Variants in CAMK1D observed in about 807,000 individuals in gnomAD.
CAMK1D encodes calcium/calmodulin-dependent protein kinase type 1D.
CAMK1D carries 9 observed loss-of-function variants against 47.7 expected under a neutral mutation model. The observed-to-expected ratio is 0.19, with a 90% confidence interval of 0.11 to 0.33. The LOEUF (loss-of-function observed/expected upper bound fraction) is 0.33, where lower values mean the gene tolerates loss of function less well. Among genes scored for constraint, CAMK1D ranks in the 10% least tolerant of loss-of-function variants. The pLI is 1.00. For missense variants in CAMK1D, 291 were observed against 488.7 expected, an observed-to-expected ratio of 0.60 and a Z score of 3.81; for synonymous variants, 184 against 184.9, an observed-to-expected ratio of 0.99 and a Z score of 0.04.
intron 1 of CAMK1D, among the ~76,000 whole-genome samples, chr10:12,434,458 G>A (rs542050704): frequency 1.2e-4 from 18 of 152,286 alleles, no homozygotes; most frequent in African/African-American, 4.1e-4. Context: ...GACCAGGAAC[G>A]GGGCTGGATC....
intron 1 of CAMK1D, among the ~76,000 whole-genome samples, chr10:12,412,212 G>A (rs1041877166): frequency 1.3e-5 from 2 of 152,262 alleles, no homozygotes; most frequent in South Asian, 2.1e-4. Context: ...AGCTGGTGGC[G>A]TTGATGACTG....
At chr10:12,563,050 C>T (rs7900333) in intron 2 of CAMK1D, among the ~76,000 whole-genome samples, 1 of 152,304 alleles carries the variant, frequency 6.6e-6, no homozygotes, top group Admixed American at 6.5e-5. Context: ...GGTATTGGCT[C>T]ATGTAATTCT....
rs150115645 is a variant in CAMK1D, at chr10:12,786,894, G to A, written c.566-4264G>A. On this transcript the variant is annotated intron_variant, in intron 5 of 10. Coordinates refer to ENST00000619168, the MANE Select transcript of CAMK1D (RefSeq NM_153498.4). ...TCCCAGCACTTTGGGAGGCCAAGGC[G>A]GGTGGATCACCTGAGGTCAGGAGTT... 2.6e-4 allele frequency among the ~76,000 whole-genome samples: 39 copies of A among 152,270 alleles called. No homozygotes were observed. In the East Asian group the frequency reaches 6.8e-3, roughly 26 times the overall value.
At chr10:12,617,488 G>A (rs1377136113) in intron 2 of CAMK1D, among the ~76,000 whole-genome samples, 1 of 152,132 alleles carries the variant, frequency 6.6e-6, no homozygotes. Context: ...TGTGTGGTAG[G>A]CAGATATGCA....
chr10:12,502,481 G>C (rs146077060), intron 1 of CAMK1D, among the ~76,000 whole-genome samples: 5 of 152,258 alleles, frequency 3.3e-5, no homozygotes, highest in South Asian at 4.1e-4. Context: ...GGCCTCTACT[G>C]ACCAGCATCC....
At chr10:12,452,657 C>T (rs1833119360) in intron 1 of CAMK1D, among the ~76,000 whole-genome samples, 1 of 151,914 alleles carries the variant, frequency 6.6e-6, no homozygotes, top group South Asian at 2.1e-4. Context: ...GCAGTCTTGA[C>T]TCACTGCAAC....
chr10:12,564,905 C>T (rs1470958513), intron 2 of CAMK1D, among the ~76,000 whole-genome samples: 2 of 152,188 alleles, frequency 1.3e-5, no homozygotes, highest in African/African-American at 4.8e-5. Flanking sequence ...TGCATATACA[C>T]ACATTGTAAA....
intron 3 of CAMK1D, among the ~76,000 whole-genome samples, chr10:12,721,863 C>T (rs929539827): frequency 6.6e-6 from 1 of 152,118 alleles, no homozygotes; most frequent in South Asian, 2.1e-4. Flanking sequence ...CCACTGTAGA[C>T]CTAATGTCTA....
intron 1 of CAMK1D, among the ~76,000 whole-genome samples, chr10:12,422,305 G>T (rs886070882): frequency 2.4e-4 from 36 of 152,196 alleles, no homozygotes; most frequent in Non-Finnish European, 4.4e-4. Context: ...GATTTTAGTC[G>T]TGTGTAACAG....
chr10:12,479,219 G>A (rs1452978173), intron 1 of CAMK1D, among the ~76,000 whole-genome samples: 2 of 151,466 alleles, frequency 1.3e-5, no homozygotes, highest in Admixed American at 6.6e-5. Context: ...TTTTTGAGAC[G>A]GAGTTTCACT....
intron 1 of CAMK1D, among the ~76,000 whole-genome samples, chr10:12,543,010 G>A (rs1160042702): frequency 6.6e-6 from 1 of 152,058 alleles, no homozygotes; most frequent in East Asian, 1.9e-4. Context: ...GCCACCCAAA[G>A]TGTTGGGATT....
chr10:12,551,662 T>C (rs2768338), intron 1 of CAMK1D, among the ~76,000 whole-genome samples: 151,185 of 152,126 alleles, frequency 0.99, 75,135 homozygotes, highest in East Asian at 1. Flanking sequence ...CGCTTGAACC[T>C]GAGAGGCAGA....
In CAMK1D at chr10:12,550,786, A is replaced by G. The variant is rs74116982; in HGVS notation, c.93-2439A>G. On this transcript the variant is annotated intron_variant, in intron 1 of 10. Coordinates refer to ENST00000619168, the MANE Select transcript of CAMK1D (RefSeq NM_153498.4). ...ATCTGGGATATTTTGTGGAATGACT[A>G]TGTTCTGCCCCCTGGGCTTGTATAA... Among the ~76,000 whole-genome samples, 1,331 of 152,300 alleles carry G rather than the reference A, an allele frequency of 8.7e-3. 17 individuals are homozygous for G. The highest frequency in any genetic ancestry group is 0.03 in the African/African-American group (1,238 of 41,546).
intron 1 of CAMK1D, among the ~76,000 whole-genome samples, chr10:12,370,901 C>A (rs773656154): frequency 1.2e-4 from 18 of 151,996 alleles, no homozygotes; most frequent in African/African-American, 1.9e-4. Flanking sequence ...AGCCACTGCA[C>A]CCGGCCTTGT....
chr10:12,706,751 A>T (rs1332852695), intron 3 of CAMK1D, among the ~76,000 whole-genome samples: 1 of 152,120 alleles, frequency 6.6e-6, no homozygotes, highest in East Asian at 1.9e-4. Context: ...CAAAAAAAAA[A>T]AAAAAGAATG....
intron 1 of CAMK1D, among the ~76,000 whole-genome samples, chr10:12,417,942 C>T (rs1415786610): frequency 2.0e-5 from 3 of 152,054 alleles, no homozygotes; most frequent in Admixed American, 2.0e-4. Context: ...GCTGGGATTA[C>T]AGGCGCCTGC....
At chr10:12,788,451 C>G (rs557436047) in intron 5 of CAMK1D, among the ~76,000 whole-genome samples, 6 of 152,334 alleles carry the variant, frequency 3.9e-5, no homozygotes, top group South Asian at 2.1e-4. Context: ...GCCTCCACCC[C>G]CTAACTTAGC....
intron 1 of CAMK1D, among the ~76,000 whole-genome samples, chr10:12,370,296 A>G (rs1275812806): frequency 6.6e-6 from 1 of 152,102 alleles, no homozygotes; most frequent in Non-Finnish European, 1.5e-5. Context: ...GGCACATACA[A>G]TTATGTGCAG....
At chr10:12,497,620 A>T (rs996777244) in intron 1 of CAMK1D, among the ~76,000 whole-genome samples, 7 of 152,132 alleles carry the variant, frequency 4.6e-5, no homozygotes, top group Non-Finnish European at 1.0e-4. Flanking sequence ...AACTACTCCA[A>T]CTCTAGCATA....
Sources: allele counts gnomAD v4.1 joint callset (sites outside exome capture counted in the v4.1 genomes callset), GRCh38; gene constraint gnomAD v4.1.1; transcripts MANE v1.5; gene names NCBI Gene and HGNC (gene_info 2026-07-23, HGNC 2026-07-21).